HTR4: variants seen among roughly 807,000 people sequenced by gnomAD.
HTR4 encodes the protein 5-hydroxytryptamine receptor 4.
A neutral mutation model predicts 36.8 loss-of-function variants in HTR4; 16 were observed. The observed-to-expected ratio is 0.43, with a 90% confidence interval of 0.29 to 0.66. HTR4 has a LOEUF of 0.66. Among genes scored for constraint, HTR4 ranks in the 30% least tolerant of loss-of-function variants. The pLI is 0.13. For synonymous variants in HTR4, 189 were observed against 185.1 expected, an observed-to-expected ratio of 1.02 and a Z score of -0.17; for missense variants, 438 against 490.9, an observed-to-expected ratio of 0.89 and a Z score of 1.02.
intron 5 of HTR4, among the ~76,000 whole-genome samples, chr5:148,455,532 A>G (rs1026524207): frequency 5.9e-5 from 9 of 152,186 alleles, no homozygotes; most frequent in Non-Finnish European, 1.2e-4. Flanking sequence ...AATGGAGTGG[A>G]TATTCCAAAT....
At chr5:148,498,448 A>C (rs763815337) in intron 6 of HTR4, among the ~76,000 whole-genome samples, 2 of 152,200 alleles carry the variant, frequency 1.3e-5, no homozygotes, top group East Asian at 3.9e-4. Flanking sequence ...AAATCTGAAG[A>C]GAATCAGGAA....
chr5:148,637,946 G>A (rs893824632), intron 1 of HTR4, among the ~76,000 whole-genome samples: 1 of 152,030 alleles, frequency 6.6e-6, no homozygotes, highest in Non-Finnish European at 1.5e-5. Context: ...GAAGAGATTG[G>A]AAAAAAATAA....
At chr5:148,587,452 A>AG (rs1761388400) in intron 2 of HTR4, among the ~76,000 whole-genome samples, 3 of 151,866 alleles carry the variant, frequency 2.0e-5, no homozygotes, top group Admixed American at 6.6e-5. Context: ...ACTTGGGCGG[A>AG]GGGTTGGGGG....
intron 2 of HTR4, among the ~76,000 whole-genome samples, chr5:148,623,800 A>AAAAT (rs535369303): frequency 3.1e-3 from 469 of 152,266 alleles, no homozygotes; most frequent in African/African-American, 0.01. Flanking sequence ...GAGGATGGCA[A>AAAAT]AAATAAATAA....
chr5:148,563,229 C>G (rs141946719), intron 2 of HTR4, among the ~76,000 whole-genome samples: 23 of 152,298 alleles, frequency 1.5e-4, no homozygotes, highest in African/African-American at 5.5e-4. Flanking sequence ...CCAGATGGTG[C>G]CAATCATGCA....
intron 2 of HTR4, 151 bp from the exon 3 acceptor site, chr5:148,550,413 T>C (rs1759624792): frequency 8.3e-6 from 7 of 843,784 alleles, no homozygotes; most frequent in Non-Finnish European, 1.3e-5. Flanking sequence ...CACCAAAATC[T>C]GAACCGGTCG....
At position 148,576,077 on chromosome 5, in the gene HTR4, C is replaced by T. The variant is rs1453047347; in HGVS notation, c.27-25815G>A. Among the ~76,000 whole-genome samples, 4 of 124,512 alleles carry T rather than the reference C, an allele frequency of 3.2e-5. No individual in the cohort carries two copies. In the South Asian group the frequency reaches 1.1e-3, roughly 34 times the overall value. 81.7% of individuals were successfully genotyped at this position (124,512 alleles called of 152,430 possible). A position where few individuals can be genotyped will look rare whatever the true frequency, so the allele number is the denominator to read the frequency against. On this transcript the variant is annotated intron_variant, in intron 2 of 6. Coordinates refer to ENST00000377888, the MANE Select transcript of HTR4 (RefSeq NM_000870.7). ...CAATGTAAAAAATCGCGCCACTGCA[C>T]TCCAGCCTGGGCGACAGAGCGAGAC...
At chr5:148,558,903 A>G (rs1760070685) in intron 2 of HTR4, among the ~76,000 whole-genome samples, 1 of 152,162 alleles carries the variant, frequency 6.6e-6, no homozygotes, top group Admixed American at 6.5e-5. Flanking sequence ...ATGTTCCTAG[A>G]CTTATGATGG....
At chr5:148,652,632 G>A (rs897703946) in intron 1 of HTR4, among the ~76,000 whole-genome samples, 2 of 152,054 alleles carry the variant, frequency 1.3e-5, no homozygotes, top group African/African-American at 4.8e-5. Flanking sequence ...TGGGCCCTGG[G>A]GCCTCCTTCT....
At chr5:148,519,786 G>A (rs111599701) in intron 5 of HTR4, among the ~76,000 whole-genome samples, 32 of 152,114 alleles carry the variant, frequency 2.1e-4, no homozygotes, top group African/African-American at 5.5e-4. Flanking sequence ...GCTATTTGCC[G>A]GCACATATTT....
chr5:148,531,692 A>C (rs778028433), intron 4 of HTR4, among the ~76,000 whole-genome samples: 8 of 152,202 alleles, frequency 5.3e-5, no homozygotes, highest in Non-Finnish European at 7.3e-5. Flanking sequence ...AAGTTAAGAA[A>C]GTTTCCTCTA....
chr5:148,498,584 T>C (rs1271241432), intron 6 of HTR4, among the ~76,000 whole-genome samples: 1 of 152,146 alleles, frequency 6.6e-6, no homozygotes. Flanking sequence ...ATACTTGATA[T>C]AACAGGAATT....
chr5:148,459,406 C>T (rs1235900099), intron 5 of HTR4, among the ~76,000 whole-genome samples: 1 of 152,110 alleles, frequency 6.6e-6, no homozygotes, highest in South Asian at 2.1e-4. Flanking sequence ...TGAGGTCTGC[C>T]TTCAGGAGAA....
At chr5:148,549,222 A>G (rs1389721646) in intron 3 of HTR4, among the ~76,000 whole-genome samples, 1 of 151,926 alleles carries the variant, frequency 6.6e-6, no homozygotes, top group Non-Finnish European at 1.5e-5. Context: ...CTTTCTTCCA[A>G]CGGTTGCCTG....
At chr5:148,550,073 C>T (rs1759605659) in intron 3 of HTR4, 64 bp downstream of exon 3, 2 of 1,544,738 alleles carry the variant, frequency 1.3e-6, no homozygotes, top group South Asian at 1.2e-5. Flanking sequence ...ATGTTCACAC[C>T]CAACTCTCTA....
In HTR4 at chr5:148,452,950, C is replaced by T. The variant is rs117873891; in HGVS notation, c.1077-1678G>A. 1.8e-4 allele frequency among the ~76,000 whole-genome samples: 28 copies of T among 152,332 alleles called. No individual in the cohort carries two copies. In the East Asian group the frequency reaches 4.8e-3, roughly 26 times the overall value. On this transcript the variant is annotated intron_variant, in intron 5 of 5. Coordinates refer to the HTR4 transcript ENST00000521530. ...TGCTCAGCCTCCAAACCATGCCTTG[C>T]GTACTTGGCTTTGCCATTCTGCAAA...
chr5:148,561,803 T>C (rs1040539827), intron 2 of HTR4, among the ~76,000 whole-genome samples: 34 of 152,154 alleles, frequency 2.2e-4, no homozygotes, highest in African/African-American at 7.2e-4. Flanking sequence ...ATATGCCCTC[T>C]CCACTTTGGT....
chr5:148,578,059 A>G (rs556508950), intron 2 of HTR4, among the ~76,000 whole-genome samples: 1 of 152,182 alleles, frequency 6.6e-6, no homozygotes, highest in South Asian at 2.1e-4. Context: ...TATGAAATAT[A>G]AAATATACTA....
At chr5:148,453,844 G>C (rs1755033272) in intron 5 of HTR4, among the ~76,000 whole-genome samples, 1 of 152,142 alleles carries the variant, frequency 6.6e-6, no homozygotes, top group Non-Finnish European at 1.5e-5. Flanking sequence ...TGGACAGTGA[G>C]ACCAATTAGG....
Sources: allele counts gnomAD v4.1 joint callset (sites outside exome capture counted in the v4.1 genomes callset), GRCh38; gene constraint gnomAD v4.1.1; transcripts MANE v1.5; gene names NCBI Gene and HGNC (gene_info 2026-07-23, HGNC 2026-07-21).